The following ADGRG3 variants were observed in gnomAD, a reference collection of about 807,000 sequenced individuals.
ADGRG3 encodes adhesion G protein-coupled receptor G3.
ADGRG3 carries 39 observed loss-of-function variants against 54.3 expected under a neutral mutation model. The observed-to-expected ratio is 0.72, with a 90% confidence interval of 0.56 to 0.94. ADGRG3 has a LOEUF of 0.94. ADGRG3 is among the 40% of genes least tolerant of loss of function. The pLI is 0.00. For missense variants in ADGRG3, 654 were observed against 694.6 expected (o/e 0.94, Z 0.66); for synonymous variants, 312 against 290.0 (o/e 1.08, Z -0.77).
intron 8 of ADGRG3, 100 bp downstream of exon 8, chr16:57,680,717 G>A (rs1234406598): frequency 7.6e-6 from 6 of 790,210 alleles, no homozygotes; most frequent in African/African-American, 3.4e-5. Context: ...TCTGACCGTT[G>A]TCCCCTCCAC....
intron 11 of ADGRG3, among the ~76,000 whole-genome samples, chr16:57,686,475 G>T (rs1442197824): frequency 6.6e-6 from 1 of 152,144 alleles, no homozygotes; most frequent in African/African-American, 2.4e-5. Flanking sequence ...AATCACATTT[G>T]GACATGAGAT....
At chr16:57,687,098 C>A (rs765582117) in intron 11 of ADGRG3, among the ~76,000 whole-genome samples, 1 of 152,206 alleles carries the variant, frequency 6.6e-6, no homozygotes, top group Non-Finnish European at 1.5e-5. Context: ...AGGACTGGCT[C>A]CCAGCGCCCC....
intron 2 of ADGRG3, among the ~76,000 whole-genome samples, chr16:57,675,012 A>AAAAAAGCAGC (rs35561154): frequency 1.7e-5 from 2 of 115,338 alleles, no homozygotes; most frequent in Non-Finnish European, 3.6e-5. Context: ...AAAAAAAAAA[A>AAAAAAGCAGC]AGCAGCAGCA....
At position 57,679,232 on chromosome 16, in the gene ADGRG3, G is replaced by A; in HGVS notation, c.548G>A (p.Gly183Asp). The change falls in exon 5 of 12, where the codon GGT becomes GAT. Residue 183 changes from glycine (G) to aspartate (D), a missense_variant. Physicochemically the swap from Gly to Asp is moderately conservative, Grantham distance 94. Transcript: ENST00000333493. ...GGCGTGTTGAACAATCGCCTGGTGG[G>A]TTTGAGTGTGGGACAAATGCATGTC... ...GSGVLNNRLV[G>D]LSVGQMHVTK... 6.2e-7 allele frequency: 1 copy of A among 1,614,062 alleles called. No individual in the cohort carries two copies.
intron 8 of ADGRG3, among the ~76,000 whole-genome samples, chr16:57,683,128 G>A (rs1189572916): frequency 2.0e-5 from 3 of 152,224 alleles, no homozygotes; most frequent in Admixed American, 2.0e-4. Flanking sequence ...GGGGAGCAGG[G>A]AAAGGCATTG....
chr16:57,680,476 C>G (rs764524712), intron 7 of ADGRG3, 29 bp from the exon 8 acceptor site: 1 of 1,591,790 alleles, frequency 6.3e-7, no homozygotes, highest in Non-Finnish European at 8.6e-7. Flanking sequence ...CTCCAACTGA[C>G]GTGGTCCCGG....
At chr16:57,666,695 C>T (rs539156342), upstream of ADGRG3, among the ~76,000 whole-genome samples, 230 of 152,226 alleles carry the variant, frequency 1.5e-3, 1 homozygote, top group African/African-American at 5.1e-3. Context: ...GTCCCTGGTC[C>T]CCAGGGGGCG....
At position 57,679,797 on chromosome 16, in the gene ADGRG3, T is replaced by A. The variant is rs752556686; in HGVS notation, c.628-19T>A. 3 of 1,608,816 alleles carry A rather than the reference T, an allele frequency of 1.9e-6. No individual in the cohort carries two copies. In the Admixed American group the frequency reaches 5.0e-5, roughly 27 times the overall value. On this transcript the variant is annotated intron_variant, in intron 5 of 11. Coordinates refer to ENST00000333493, the MANE Select transcript of ADGRG3 (RefSeq NM_170776.5). The stretch of plus-strand genomic sequence containing the variant: ...AACTTCCCTTTTCCTCTCTCCTGAC[T>A]TCCACTCTTCGGTTTCAGAACATGA...
In ADGRG3 at chr16:57,688,602, A is replaced by G. The variant is rs533778612; in HGVS notation, c.*141A>G. 50 of 659,840 alleles carry G rather than the reference A, an allele frequency of 7.6e-5. No homozygotes were observed. Among genetic ancestry groups the G allele is most frequent in the South Asian group, 6.8e-4 (41 of 60,038 alleles). 40.9% of individuals were successfully genotyped at this position (659,840 alleles called of 1,614,324 possible). On this transcript the variant is annotated 3_prime_UTR_variant, in exon 12 of 12. Transcript: ENST00000333493. ...GGAGAGGATGGGACCAGGTTGGACC[A>G]CGTGGCATCAGAGGTCCCATCCAGA... is the stretch of plus-strand genomic sequence containing the variant.
chr16:57,678,131 G>A lies in ADGRG3; in HGVS notation c.346-39G>A. On this transcript the variant is annotated intron_variant, in intron 3 of 11. Transcript: ENST00000333493. Reference sequence around the variant, plus strand: ...GGGAGTGGCAGGACTCGTGTTGGGGGGTGGGTACAGATGGGAGCTGCTGTG... The same window carrying A: ...GGGAGTGGCAGGACTCGTGTTGGGGAGTGGGTACAGATGGGAGCTGCTGTG... 1.9e-6 allele frequency: 3 copies of A among 1,606,070 alleles called. No homozygotes were observed. The South Asian group carries it at 3.3e-5, about 18-fold the overall frequency.
intron 10 of ADGRG3, among the ~76,000 whole-genome samples, chr16:57,685,093 T>A (rs1237850659): frequency 1.3e-5 from 2 of 152,342 alleles, no homozygotes; most frequent in African/African-American, 4.8e-5. Context: ...GTTTCTAGAC[T>A]CACACCTTGG....
chr16:57,669,121 C>G (rs2048104990), intron 1 of ADGRG3, among the ~76,000 whole-genome samples: 1 of 152,204 alleles, frequency 6.6e-6, no homozygotes, highest in African/African-American at 2.4e-5. Flanking sequence ...CCCTCTCGGA[C>G]AGAGGGAGGT....
upstream of ADGRG3, among the ~76,000 whole-genome samples, chr16:57,666,427 G>C (rs558576391): frequency 1.6e-4 from 25 of 152,352 alleles, no homozygotes; most frequent in East Asian, 1.5e-3. Flanking sequence ...TTCCCAGGCT[G>C]TGGGGCTTTG....
intron 2 of ADGRG3, among the ~76,000 whole-genome samples, chr16:57,674,966 A>G (rs1476784581): frequency 1.5e-5 from 2 of 132,984 alleles, no homozygotes; most frequent in Admixed American, 9.2e-5. Context: ...ACTGCACTCC[A>G]GCCTGGGCGA....
Position 57,668,331 on chromosome 16 carries a change from G to C in ADGRG3, c.-17G>C. The C allele has an allele frequency of 6.4e-7, 1 of 1,560,608 alleles. No homozygotes were observed. Reference sequence around the variant, plus strand: ...AGACAGCCACAGAGCTCCTGGCGTGGGCAAGGCTGGCCAAGGATGGCGACG... The same window carrying C: ...AGACAGCCACAGAGCTCCTGGCGTGCGCAAGGCTGGCCAAGGATGGCGACG... On this transcript the variant is annotated 5_prime_UTR_variant, in exon 1 of 12. Coordinates refer to ENST00000333493, the MANE Select transcript of ADGRG3 (RefSeq NM_170776.5).
chr16:57,682,648 T>G, intron 8 of ADGRG3: 1 of 985,260 alleles, frequency 1.0e-6, no homozygotes, highest in Non-Finnish European at 1.2e-6. Context: ...TGATCCCAGA[T>G]GCTCCTCCAG....
Position 57,680,593 on chromosome 16 carries a change from C to A in ADGRG3, c.857C>A (p.Thr286Asn). The change falls in exon 8 of 12, where the codon ACC (threonine) becomes AAC (asparagine). Residue 286 changes from threonine (T) to asparagine (N), a missense_variant. Transcript: ENST00000333493. ...CGVSMIFLAF[T>N]IILYAFLRLS... The stretch of plus-strand genomic sequence containing the variant: ...GTCTCCATGATCTTCCTGGCCTTCA[C>A]CATTATTCTTTATGCCTTTCTGAGG... 6.2e-7 allele frequency: 1 copy of A among 1,613,210 alleles called. No individual in the cohort carries two copies. The highest frequency in any genetic ancestry group is 8.5e-7 in the Non-Finnish European group (1 of 1,179,210).
Position 57,684,060 on chromosome 16 carries a change from C to T in ADGRG3, c.1010C>T (p.Ala337Val), listed in dbSNP as rs1480805925. The change falls in exon 9 of 12, where the codon GCC becomes GTC. Residue 337 changes from alanine (A) to valine (V), a missense_variant. By Grantham distance (64) the Ala-to-Val change is moderately conservative. Coordinates refer to ENST00000333493, the MANE Select transcript of ADGRG3 (RefSeq NM_170776.5). ...AGTGGCTCAAAGGGGTCTGATGCTG[C>T]CTGCTGGGCCCGGGGGGCTGTCTTC... ...VGSGSKGSDA[A>V]CWARGAVFHY... is the part of the protein sequence containing the mutation. 3 of 1,614,078 alleles carry T rather than the reference C, an allele frequency of 1.9e-6. No individual in the cohort carries two copies. The South Asian group carries it at 3.3e-5, about 18-fold the overall frequency.
In ADGRG3 at chr16:57,673,475, G is replaced by A. The variant is rs757496446; in HGVS notation, c.206+7G>A. The A allele has an allele frequency of 5.0e-5, 79 of 1,594,964 alleles. 1 individual carries two copies. In the East Asian group the frequency reaches 1.7e-3, roughly 34 times the overall value. On this transcript the variant is annotated splice_region_variant and intron_variant, in intron 2 of 11. Transcript: ENST00000333493. ...ATGTGGAAAACTTGCAGAGGTGAGG[G>A]GGCCCCCTGAGCTGGAGGGGGAATC... is the stretch of plus-strand genomic sequence containing the variant.
Sources: allele counts gnomAD v4.1 joint callset (sites outside exome capture counted in the v4.1 genomes callset), GRCh38; gene constraint gnomAD v4.1.1; transcripts MANE v1.5; gene names NCBI Gene and HGNC (gene_info 2026-07-23, HGNC 2026-07-21).